Variants in GRHL2 observed in about 807,000 individuals in gnomAD.
GRHL2 encodes the protein grainyhead like transcription factor 2, also known as grainyhead-like protein 2 homolog.
GRHL2 carries 21 observed loss-of-function variants against 83.8 expected under a neutral mutation model. The observed-to-expected ratio is 0.25, with a 90% CI of 0.18 to 0.36. The LOEUF (loss-of-function observed/expected upper bound fraction) is 0.36. Ranked by LOEUF, GRHL2 falls within the 10% of genes least tolerant of loss-of-function variation. GRHL2 has a pLI of 1.00. For synonymous variants in GRHL2, 280 were observed against 278.9 expected, an observed-to-expected ratio of 1.00 and a Z score of -0.04; for missense variants, 623 against 781.8, an observed-to-expected ratio of 0.80 and a Z score of 2.42.
intron 1 of GRHL2, chr8:101,529,588 G>A (rs1233672518): frequency 4.3e-6 from 1 of 232,102 alleles, no homozygotes; most frequent in Non-Finnish European, 8.9e-6. Context: ...CCTCACTCCA[G>A]TAGGCCCCCA....
chr8:101,657,713 G>A (rs180959228), intron 14 of GRHL2, among the ~76,000 whole-genome samples: 70 of 151,900 alleles, frequency 4.6e-4, no homozygotes, highest in African/African-American at 1.5e-3. Flanking sequence ...GGTGGCGGGC[G>A]CCTATAGTCC....
intron 2 of GRHL2, chr8:101,543,900 GGC>G (rs1811207941): frequency 9.7e-6 from 2 of 207,042 alleles, no homozygotes; most frequent in Admixed American, 5.5e-5. Context: ...TCAGAATCAT[GGC>G]AGGAAGCAAA....
In GRHL2 at chr8:101,500,719, C is replaced by T. The variant is rs369151831; in HGVS notation, c.20+7930C>T. 1.4e-3 allele frequency among the ~76,000 whole-genome samples: 213 copies of T among 152,238 alleles called. 1 individual carries two copies. Among genetic ancestry groups the T allele is most frequent in the African/African-American group, 5.0e-3 (209 of 41,542 alleles). On this transcript the variant is annotated intron_variant, in intron 1 of 15. Coordinates refer to ENST00000646743, the MANE Select transcript of GRHL2 (RefSeq NM_024915.4). ...AGAGACGGAGTTTCGCCATTTTGGC[C>T]AGTCTTGTCTCGAACTCCTGACCTC... is the stretch of plus-strand genomic sequence containing the variant.
chr8:101,577,100 C>T (rs1811948529), intron 6 of GRHL2, among the ~76,000 whole-genome samples: 1 of 152,004 alleles, frequency 6.6e-6, no homozygotes, highest in Non-Finnish European at 1.5e-5. Flanking sequence ...GGGGTTTCTG[C>T]TGACCTCACA....
chr8:101,539,374 T>C (rs1391610883), intron 1 of GRHL2, among the ~76,000 whole-genome samples: 1 of 152,188 alleles, frequency 6.6e-6, no homozygotes, highest in Non-Finnish European at 1.5e-5. Context: ...TGTGCCTTCA[T>C]GGGCAACGAC....
chr8:101,547,237 T>G (rs961164616), intron 2 of GRHL2, among the ~76,000 whole-genome samples: 4 of 7,864 alleles, frequency 5.1e-4, no homozygotes, highest in African/African-American at 1.7e-3. Context: ...GCAGTCTGTT[T>G]TTTTTTTTGG....
At chr8:101,583,118 A>G (rs1812090848) in intron 7 of GRHL2, among the ~76,000 whole-genome samples, 1 of 152,192 alleles carries the variant, frequency 6.6e-6, no homozygotes. Context: ...GACAAAATGA[A>G]CTTTCTCTTG....
chr8:101,529,047 C>A, intron 1 of GRHL2: 1 of 383,910 alleles, frequency 2.6e-6, no homozygotes, highest in South Asian at 2.0e-5. Flanking sequence ...TCTCTGCTTC[C>A]ACGTCAACAG....
In GRHL2 at chr8:101,632,320, C is replaced by T; in HGVS notation, c.1440C>T (p.Leu480=). ...TMPDLHSQPV[L]FIPDVHFANL... is the part of the protein sequence containing the mutation. The stretch of plus-strand genomic sequence containing the variant: ...CTGATCTCCACTCACAGCCAGTTCT[C>T]TTCATACCTGATGTTCACTTTGCAA... The change falls in exon 11 of 16, where the codon CTC becomes CTT. Residue 480 remains leucine, a synonymous_variant. Coordinates refer to ENST00000646743, the MANE Select transcript of GRHL2 (RefSeq NM_024915.4). 6.2e-7 allele frequency: 1 copy of T among 1,614,060 alleles called. No homozygotes were observed. Among genetic ancestry groups the T allele is most frequent in the Non-Finnish European group, 8.5e-7 (1 of 1,179,936 alleles).
chr8:101,674,271 T>C (rs990625344), downstream of GRHL2, among the ~76,000 whole-genome samples: 8 of 152,106 alleles, frequency 5.3e-5, no homozygotes, highest in African/African-American at 1.9e-4. Context: ...ATCCAGGAGC[T>C]GGTCTTTTGA....
intron 14 of GRHL2, among the ~76,000 whole-genome samples, chr8:101,652,467 G>GGTGT (rs556986627): frequency 0.033 from 947 of 28,994 alleles, 115 homozygotes; most frequent in African/African-American, 0.14. Context: ...TGGTGTGTGT[G>GGTGT]GTGTGTGTGT....
chr8:101,533,729 T>C (rs1464896461), intron 1 of GRHL2, among the ~76,000 whole-genome samples: 1 of 152,064 alleles, frequency 6.6e-6, no homozygotes, highest in African/African-American at 2.4e-5. Flanking sequence ...CTCATTAAGG[T>C]GAGATTTGGA....
chr8:101,518,187 T>C (rs1433230419), intron 1 of GRHL2, among the ~76,000 whole-genome samples: 1 of 152,192 alleles, frequency 6.6e-6, no homozygotes, highest in Non-Finnish European at 1.5e-5. Flanking sequence ...TCCTTGTGAC[T>C]TTCCCTATTA....
chr8:101,544,247 G>C lies in GRHL2; in HGVS notation c.216+811G>C, dbSNP rs534587083. Among the ~76,000 whole-genome samples, 20 of 152,246 alleles carry C rather than the reference G, an allele frequency of 1.3e-4. No individual in the cohort carries two copies. In the South Asian group the frequency reaches 3.9e-3, roughly 30 times the overall value. ...ACATTCAGGGTTTCTAGATTTTTCA[G>C]TTTTATAAGGAACATTCCAGTGAAC... On this transcript the variant is annotated intron_variant, in intron 2 of 15. Coordinates refer to ENST00000646743, the MANE Select transcript of GRHL2 (RefSeq NM_024915.4).
Position 101,668,665 on chromosome 8 carries a change from G to T in GRHL2, c.*1962G>T, listed in dbSNP as rs1328009229. 3 of 152,610 alleles carry T rather than the reference G, an allele frequency of 2.0e-5. No homozygotes were observed. Among genetic ancestry groups the T allele is most frequent in the Non-Finnish European group, 4.4e-5 (3 of 68,302 alleles). The allele number at this position is 152,610 out of a possible 1,614,324, so 9.5% of individuals were successfully genotyped here. On this transcript the variant is annotated 3_prime_UTR_variant, in exon 16 of 16. Coordinates refer to ENST00000646743, the MANE Select transcript of GRHL2 (RefSeq NM_024915.4). ...GGGGACCCTCCAGGGTACTAATGGG[G>T]CTCTGTTCTGAGATGGACAAATTCA... is the stretch of plus-strand genomic sequence containing the variant.
chr8:101,517,171 G>A (rs1810589676), intron 1 of GRHL2, among the ~76,000 whole-genome samples: 1 of 152,106 alleles, frequency 6.6e-6, no homozygotes, highest in Admixed American at 6.5e-5. Context: ...AGGGAAGCTG[G>A]GGATACTGGA....
chr8:101,580,193 A>G (rs1812021427), intron 7 of GRHL2, among the ~76,000 whole-genome samples: 1 of 152,178 alleles, frequency 6.6e-6, no homozygotes, highest in African/African-American at 2.4e-5. Flanking sequence ...TAATAATTAT[A>G]TGTACTTATG....
intron 4 of GRHL2, among the ~76,000 whole-genome samples, chr8:101,568,044 T>C (rs1364241827): frequency 6.6e-6 from 1 of 152,240 alleles, no homozygotes; most frequent in African/African-American, 2.4e-5. Context: ...TAAATGTAAA[T>C]ACATTTTCCT....
chr8:101,559,498 C>G (rs1036663305), intron 4 of GRHL2, among the ~76,000 whole-genome samples: 1 of 152,082 alleles, frequency 6.6e-6, no homozygotes, highest in African/African-American at 2.4e-5. Flanking sequence ...CCACTGCACT[C>G]CAGCCTGGGT....
Sources: allele counts gnomAD v4.1 joint callset (sites outside exome capture counted in the v4.1 genomes callset), GRCh38; gene constraint gnomAD v4.1.1; transcripts MANE v1.5; gene names NCBI Gene and HGNC (gene_info 2026-07-23, HGNC 2026-07-21).